The following POF1B variants were observed in gnomAD, a reference collection of about 807,000 sequenced individuals.
The protein encoded by POF1B is protein POF1B.
A neutral mutation model predicts 55.3 loss-of-function variants in POF1B; 53 were observed. That is an observed-to-expected ratio of 0.96 (90% CI 0.77 to 1.20). POF1B has a LOEUF of 1.20. POF1B is among the 50% of genes most tolerant of loss of function. The pLI is 0.00. For missense variants in POF1B, 478 were observed against 420.5 expected (o/e 1.14, Z -1.20); for synonymous variants, 188 against 148.3 (o/e 1.27, Z -1.95).
At chrX:85,370,155 A>G (rs887142883) in intron 2 of POF1B, among the ~76,000 whole-genome samples, 9 of 112,408 alleles carry the variant, frequency 8.0e-5, no homozygotes, top group Non-Finnish European at 1.7e-4. Flanking sequence ...CATCACAGAT[A>G]AAGACATTTA....
intron 9 of POF1B, among the ~76,000 whole-genome samples, chrX:85,309,340 C>T (rs1932646380): frequency 9.5e-6 from 1 of 105,633 alleles, no homozygotes; most frequent in South Asian, 4.3e-4. Context: ...CAATAAATCT[C>T]TACTTTTGTT....
At chrX:85,329,116 G>C (rs779483268) in intron 7 of POF1B, among the ~76,000 whole-genome samples, 129 of 111,955 alleles carry the variant, frequency 1.2e-3, no homozygotes, top group African/African-American at 4.0e-3. Context: ...CTTAGTAGCT[G>C]TGTGATCTTA....
rs914811835 is a variant in POF1B, at chrX:85,305,659, T to C, written c.1437+132A>G. The C allele has an allele frequency of 1.7e-5, 11 of 638,227 alleles. No homozygotes were observed. The East Asian group carries it at 3.9e-4, about 23-fold the overall frequency. 52.6% of individuals were successfully genotyped at this position (638,227 alleles called of 1,213,427 possible). ...GATACAGTAATGTATTTAAAACAAA[T>C]GAATACATGACATATTTCTAAAACT... On this transcript the variant is annotated intron_variant, in intron 13 of 16. Coordinates refer to ENST00000262753, the MANE Select transcript of POF1B (RefSeq NM_024921.4).
chrX:85,355,347 T>C (rs1603069868), intron 4 of POF1B, among the ~76,000 whole-genome samples: 1 of 111,791 alleles, frequency 8.9e-6, no homozygotes, highest in Non-Finnish European at 1.9e-5. Context: ...CCTAAAACCA[T>C]AAAAACCCTA....
chrX:85,284,568 T>C (rs1425007290), intron 15 of POF1B, among the ~76,000 whole-genome samples: 2 of 111,934 alleles, frequency 1.8e-5, no homozygotes, highest in East Asian at 5.6e-4. Context: ...GGATTCCCTT[T>C]TTAATAAATG....
chrX:85,320,953 G>A (rs769426726), intron 7 of POF1B, among the ~76,000 whole-genome samples: 110 of 110,167 alleles, frequency 1.0e-3, no homozygotes, highest in African/African-American at 3.5e-3. Context: ...ATAATCAATA[G>A]CTTACCAACC....
At chrX:85,280,981 A>G (rs750807590) in intron 16 of POF1B, among the ~76,000 whole-genome samples, 1 of 110,617 alleles carries the variant, frequency 9.0e-6, no homozygotes, top group South Asian at 3.9e-4. Context: ...AGATGCCAAT[A>G]ACACCCACCC....
chrX:85,362,705 CT>C (rs1206972539), intron 3 of POF1B, among the ~76,000 whole-genome samples: 2 of 110,583 alleles, frequency 1.8e-5, no homozygotes, highest in African/African-American at 3.3e-5. Context: ...GAAGCTTTCT[CT>C]TTTTTTTGTT....
chrX:85,322,245 G>C (rs1206520014), intron 7 of POF1B, among the ~76,000 whole-genome samples: 1 of 110,843 alleles, frequency 9.0e-6, no homozygotes, highest in Non-Finnish European at 1.9e-5. Context: ...CCAAAAGAGA[G>C]ATATAGATCA....
rs774493954 is a variant in POF1B, at chrX:85,303,589, C to T, written c.1567-101G>A. ...AAGGGTTACTAACAATGATTATACC[C>T]CCTCCCTTTTACCCCTTTTTAGCCT... On this transcript the variant is annotated intron_variant, in intron 14 of 16. Coordinates refer to ENST00000262753, the MANE Select transcript of POF1B (RefSeq NM_024921.4). 12 of 559,870 alleles carry T rather than the reference C, an allele frequency of 2.1e-5. No homozygotes were observed. In the East Asian group the frequency reaches 4.5e-4, roughly 21 times the overall value. 46.1% of individuals were successfully genotyped at this position (559,870 alleles called of 1,213,427 possible).
chrX:85,314,653 A>G (rs766639670), intron 8 of POF1B, 147 bp from the exon 9 acceptor site: 1 of 321,385 alleles, frequency 3.1e-6, no homozygotes, highest in South Asian at 1.2e-4. Flanking sequence ...AGTTTAATTT[A>G]TAGCCTTATC....
At chrX:85,285,244 G>A (rs1446555714) in intron 15 of POF1B, among the ~76,000 whole-genome samples, 1 of 111,352 alleles carries the variant, frequency 9.0e-6, no homozygotes, top group Admixed American at 9.6e-5. Context: ...ACAGTGTGGC[G>A]ATCCCTCAAG....
intron 3 of POF1B, among the ~76,000 whole-genome samples, chrX:85,363,746 T>C (rs894283980): frequency 1.1e-4 from 12 of 111,444 alleles, no homozygotes; most frequent in African/African-American, 3.9e-4. Flanking sequence ...GAGAGTTCCG[T>C]AGAGGTCTAT....
At position 85,307,196 on chromosome X, in the gene POF1B, C is replaced by G. The variant is rs1468467248; in HGVS notation, c.1131G>C (p.Leu377Phe). The change falls in exon 11 of 17, where the codon TTG (leucine) becomes TTC (phenylalanine). Residue 377 changes from leucine to phenylalanine, a missense_variant. Leu to Phe is a conservative substitution (Grantham distance 22). Transcript: ENST00000262753. ...GGTGATTATTTGCTCTCACTGATGC[C>G]AAGAGTTCTTCGTACTCTTTTAATT... The part of the protein sequence containing the change: ...DTQLKEYEEL[L>F]ASVRANNHQQ... 2 of 1,205,672 alleles carry G rather than the reference C, an allele frequency of 1.7e-6. No homozygotes were observed. Among genetic ancestry groups the G allele is most frequent in the South Asian group, 1.8e-5 (1 of 56,096 alleles).
At chrX:85,347,112 G>T (rs180729861) in intron 5 of POF1B, among the ~76,000 whole-genome samples, 121 of 110,992 alleles carry the variant, frequency 1.1e-3, no homozygotes, top group Non-Finnish European at 1.5e-3. Context: ...ATTTTAGTTT[G>T]GGGGATTTCA....
rs1017725195 is a variant in POF1B at position 85,337,880 on chromosome X, C to T, written c.724-6801G>A. On this transcript the variant is annotated intron_variant, in intron 6 of 16. Transcript: ENST00000262753. ...ATTTAGTACTTATTTTATAAAATTG[C>T]AGAAGGCATCAAATAAAATTAAATG... 6.3e-5 allele frequency among the ~76,000 whole-genome samples: 7 copies of T among 111,428 alleles called. No individual in the cohort carries two copies. In the South Asian group the frequency reaches 2.6e-3, roughly 42 times the overall value.
intron 13 of POF1B, among the ~76,000 whole-genome samples, chrX:85,305,533 A>G (rs949832014): frequency 9.0e-6 from 1 of 111,686 alleles, no homozygotes; most frequent in Non-Finnish European, 1.9e-5. Context: ...CAAAAAATAA[A>G]TTAATAAAAA....
chrX:85,351,679 C>T (rs1019301098), intron 4 of POF1B, among the ~76,000 whole-genome samples: 17 of 110,435 alleles, frequency 1.5e-4, no homozygotes, highest in African/African-American at 5.6e-4. Flanking sequence ...TTTACTAAGC[C>T]TAATAACGTC....
chrX:85,360,303 C>T (rs1302820064), intron 3 of POF1B, among the ~76,000 whole-genome samples: 4 of 106,262 alleles, frequency 3.8e-5, no homozygotes, highest in African/African-American at 1.4e-4. Flanking sequence ...AATCCTCTCC[C>T]TCCCCCAACC....
Sources: gnomAD v4.1 joint callset for allele counts (sites outside exome capture counted in the v4.1 genomes callset) on GRCh38, gnomAD v4.1.1 for gene constraint, MANE v1.5 for transcripts, NCBI Gene and HGNC (gene_info 2026-07-23, HGNC 2026-07-21) for gene names.